The following CEP128 variants were observed in gnomAD, a reference collection of about 807,000 sequenced individuals.
CEP128 encodes centrosomal protein 128kDa.
A neutral mutation model predicts 156.7 loss-of-function variants in CEP128; 132 were observed. The ratio of observed to expected loss-of-function variants is 0.84; its 90% CI spans 0.73 to 0.97. CEP128 has a LOEUF of 0.97. CEP128 is among the 50% of genes least tolerant of loss of function. The probability of loss-of-function intolerance (pLI) is 0.00; values close to 1 mark genes in which losing one functional copy is unlikely to be tolerated. For synonymous variants in CEP128, 469 were observed against 448.9 expected (o/e 1.04, Z -0.57); for missense variants, 1,252 against 1,281.9 (o/e 0.98, Z 0.36).
In CEP128 at chr14:80,697,153, T is replaced by C. The variant is rs189440077; in HGVS notation, c.2806+45922A>G. On this transcript the variant is annotated intron_variant, in intron 19 of 24. Transcript: ENST00000555265. ...AACTATTAAATGTTAGCAACTGAAA[T>C]TTAAGAAATTAAAAAAAAAGTTTTC... Among the ~76,000 whole-genome samples, 319 of 152,096 alleles carry C rather than the reference T, an allele frequency of 2.1e-3. 2 individuals carry two copies. The highest frequency in any genetic ancestry group is 3.9e-3 in the Non-Finnish European group (267 of 67,948).
rs1234836581 is a variant in CEP128, at chr14:80,951,431, TATA to T, written c.-172+6744_-172+6746del. The stretch of plus-strand genomic sequence containing the variant: ...TTCTTTTAAACCAAGTATAAATTGG[TATA>T]ATATCAACTGAATGTGGACTATGAT... On this transcript the variant is annotated intron_variant, in intron 2 of 7. Transcript: ENST00000555529. 3.3e-5 allele frequency among the ~76,000 whole-genome samples: 5 copies of T among 152,198 alleles called. 1 individual carries two copies. Among genetic ancestry groups the T allele is most frequent in the African/African-American group, 1.2e-4 (5 of 41,560 alleles).
chr14:80,543,969 T>A (rs1215386936), intron 21 of CEP128, among the ~76,000 whole-genome samples: 1 of 152,112 alleles, frequency 6.6e-6, no homozygotes, highest in African/African-American at 2.4e-5. Flanking sequence ...CTAGAAAACA[T>A]GCAATACTCC....
chr14:80,856,882 C>A (rs1327081901), intron 9 of CEP128, among the ~76,000 whole-genome samples: 1 of 151,264 alleles, frequency 6.6e-6, no homozygotes, highest in South Asian at 2.1e-4. Flanking sequence ...AGGTGTGCAC[C>A]ACCACACTAA....
chr14:80,641,303 A>C (rs1367297968), intron 19 of CEP128, among the ~76,000 whole-genome samples: 1 of 152,208 alleles, frequency 6.6e-6, no homozygotes, highest in Admixed American at 6.5e-5. Flanking sequence ...TGAATCTTTA[A>C]ACCACTCCTC....
At chr14:80,902,394 A>C (rs1026275192) in intron 6 of CEP128, among the ~76,000 whole-genome samples, 2 of 152,216 alleles carry the variant, frequency 1.3e-5, no homozygotes, top group Non-Finnish European at 2.9e-5. Flanking sequence ...CTATCAAAAA[A>C]ATAACATAGT....
intron 19 of CEP128, among the ~76,000 whole-genome samples, chr14:80,679,668 G>C (rs1426015801): frequency 6.6e-6 from 1 of 152,174 alleles, no homozygotes; most frequent in East Asian, 1.9e-4. Context: ...TTTACCTTAT[G>C]ATCTTTGCCT....
At chr14:80,697,422 A>G (rs1896927409) in intron 19 of CEP128, among the ~76,000 whole-genome samples, 1 of 152,114 alleles carries the variant, frequency 6.6e-6, no homozygotes, top group Non-Finnish European at 1.5e-5. Flanking sequence ...CACCTCAAAC[A>G]TATCTTTAGA....
At chr14:80,597,429 T>C (rs1892377168) in intron 19 of CEP128, among the ~76,000 whole-genome samples, 1 of 152,132 alleles carries the variant, frequency 6.6e-6, no homozygotes, top group Admixed American at 6.5e-5. Context: ...GATGTGTAAT[T>C]TTAAAACTTG....
chr14:80,502,760 T>G (rs1887796869), intron 24 of CEP128, among the ~76,000 whole-genome samples: 1 of 152,188 alleles, frequency 6.6e-6, no homozygotes, highest in Non-Finnish European at 1.5e-5. Flanking sequence ...CCGTAAGTTC[T>G]GTTTTCCTCT....
chr14:80,540,887 T>C (rs1889725252), intron 21 of CEP128, among the ~76,000 whole-genome samples: 1 of 152,094 alleles, frequency 6.6e-6, no homozygotes, highest in Non-Finnish European at 1.5e-5. Flanking sequence ...AATGGTACCA[T>C]ACCAAATGCT....
At chr14:80,520,989 ATT>A (rs533538115) in intron 23 of CEP128, among the ~76,000 whole-genome samples, 24 of 114,586 alleles carry the variant, frequency 2.1e-4, no homozygotes, top group African/African-American at 4.0e-4. Context: ...CGCCCAGCTA[ATT>A]TTTTTTTTTT....
chr14:80,573,838 T>C (rs144064604), intron 20 of CEP128, among the ~76,000 whole-genome samples: 3 of 152,302 alleles, frequency 2.0e-5, no homozygotes, highest in East Asian at 1.9e-4. Context: ...GCTGTTAAGT[T>C]ACCTCTGCCT....
At chr14:80,578,505 TC>T (rs1891451940) in intron 20 of CEP128, among the ~76,000 whole-genome samples, 1 of 152,160 alleles carries the variant, frequency 6.6e-6, no homozygotes, top group Non-Finnish European at 1.5e-5. Flanking sequence ...CCTTCTGGGA[TC>T]ATCTAATCCA....
chr14:80,559,142 G>T, intron 21 of CEP128, 137 bp downstream of exon 21: 1 of 753,484 alleles, frequency 1.3e-6, no homozygotes. Context: ...ATACAGTTTA[G>T]CTTGTTTTCC....
intron 8 of CEP128, among the ~76,000 whole-genome samples, chr14:80,880,483 C>T (rs1888478837): frequency 6.6e-6 from 1 of 151,702 alleles, no homozygotes; most frequent in Admixed American, 6.6e-5. Flanking sequence ...AACAATCAGA[C>T]AAAAAAAGAA....
At chr14:80,730,733 CA>C (rs1898235180) in intron 19 of CEP128, among the ~76,000 whole-genome samples, 1 of 152,108 alleles carries the variant, frequency 6.6e-6, no homozygotes, top group African/African-American at 2.4e-5. Flanking sequence ...CTGTGAATTT[CA>C]AAAACAATAG....
At chr14:80,800,151 C>T (rs2139881671) in intron 13 of CEP128, among the ~76,000 whole-genome samples, 1 of 152,258 alleles carries the variant, frequency 6.6e-6, no homozygotes, top group African/African-American at 2.4e-5. Flanking sequence ...CCCCCAGTGG[C>T]CCAGCTGTAA....
chr14:80,875,559 T>A (rs1016248896), intron 8 of CEP128, among the ~76,000 whole-genome samples: 7 of 152,136 alleles, frequency 4.6e-5, no homozygotes, highest in Admixed American at 3.3e-4. Context: ...GAGACACAGA[T>A]AAACAGATTG....
intron 2 of CEP128, among the ~76,000 whole-genome samples, chr14:80,916,994 G>A (rs1884601210): frequency 6.6e-6 from 1 of 152,120 alleles, no homozygotes; most frequent in African/African-American, 2.4e-5. Flanking sequence ...TAAGAACACA[G>A]GTAAAGGCCA....
Sources: allele counts gnomAD v4.1 joint callset (sites outside exome capture counted in the v4.1 genomes callset), GRCh38; gene constraint gnomAD v4.1.1; transcripts MANE v1.5; gene names NCBI Gene and HGNC (gene_info 2026-07-23, HGNC 2026-07-21).